RTL1: variants seen among roughly 807,000 people sequenced by gnomAD.
RTL1 encodes retrotransposon Gag like 1.
For missense variants in RTL1, 1,681 were observed against 1,767.5 expected (o/e 0.95, Z 0.88); for synonymous variants, 727 against 748.4 (o/e 0.97, Z 0.47).
chr14:100,881,875 A>C lies in RTL1; in HGVS notation c.2914T>G (p.Phe972Val). Residue 972 changes from phenylalanine (F) to valine (V), a missense_variant, in exon 4 of 4, where the codon TTC becomes GTC. Coordinates refer to ENST00000649591, the MANE Select transcript of RTL1 (RefSeq NM_001134888.3). The surrounding 1 kb of genome is among the most constrained non-coding windows in gnomAD (Gnocchi z 6.6). ...TCAAAGTTGAAGTGGGAGAAGAAGA[A>C]GACCCAATGCCCGGGGAGAAGTACG... ...LTVLLPGHWV[F>V]FFSHFNFDVM... 7 of 1,613,736 alleles carry C rather than the reference A, an allele frequency of 4.3e-6. No homozygotes were observed. Among genetic ancestry groups the C allele is most frequent in the East Asian group, 4.5e-5 (2 of 44,870 alleles).
intron 3 of RTL1, among the ~76,000 whole-genome samples, chr14:100,892,491 A>C (rs889277240): frequency 6.6e-6 from 1 of 152,202 alleles, no homozygotes; most frequent in Non-Finnish European, 1.5e-5. Context: ...GATTCTTACG[A>C]CTGTTACTTC....
chr14:100,884,357 C>A lies in RTL1; in HGVS notation c.432G>T (p.Ser144=). ...GCTCTTGAGGAGTCTCCTCCCTTCC[C>A]GATTCCTTCAGGTCAGTGTGAGCCT... is the stretch of plus-strand genomic sequence containing the variant. ...EQEAHTDLKE[S]GREETPQEQN... Residue 144 remains serine (S), a synonymous_variant, in exon 4 of 4, where the codon TCG becomes TCT. Coordinates refer to ENST00000649591, the MANE Select transcript of RTL1 (RefSeq NM_001134888.3). 6.4e-7 allele frequency: 1 copy of A among 1,559,418 alleles called. No individual in the cohort carries two copies. Among genetic ancestry groups the A allele is most frequent in the African/African-American group, 1.4e-5 (1 of 73,592 alleles).
intron 2 of RTL1, among the ~76,000 whole-genome samples, chr14:100,896,657 G>A (rs1195382284): frequency 6.6e-6 from 1 of 151,906 alleles, no homozygotes; most frequent in African/African-American, 2.4e-5. Flanking sequence ...GGGTGGGCTA[G>A]GGTGGGCAAA....
Position 100,880,489 on chromosome 14 carries a change from G to T in RTL1, c.*223C>A. 1 of 435,694 alleles carries T rather than the reference G, an allele frequency of 2.3e-6. No homozygotes were observed. Among genetic ancestry groups the T allele is most frequent in the Non-Finnish European group, 3.1e-6 (1 of 327,722 alleles). 27.0% of individuals were successfully genotyped at this position (435,694 alleles called of 1,614,324 possible). ...TGGAGAACGGAGAACTCGTAGCCCAGGGCTGGCGCTGGGTCTCTGAGGACT... is the reference window on the plus strand; with the variant it reads ...TGGAGAACGGAGAACTCGTAGCCCATGGCTGGCGCTGGGTCTCTGAGGACT... On this transcript the variant is annotated 3_prime_UTR_variant, in exon 4 of 4. Coordinates refer to ENST00000649591, the MANE Select transcript of RTL1 (RefSeq NM_001134888.3).
chr14:100,884,273 C>A lies in RTL1; in HGVS notation c.516G>T (p.Ser172=), dbSNP rs185297997. ...TGAGGTCTTGCATTCGGAAGTACAG[C>A]GAGATGATGGACCTCACCATGGCCA... ...ELMAMVRSII[S]LYFRMQDLKE... The change falls in exon 4 of 4, where the codon TCG becomes TCT. Residue 172 remains serine, a synonymous_variant. Transcript: ENST00000649591. 7.7e-6 allele frequency: 12 copies of A among 1,551,656 alleles called. No individual in the cohort carries two copies. Among genetic ancestry groups the A allele is most frequent in the African/African-American group, 1.4e-5 (1 of 73,040 alleles).
Position 100,880,736 on chromosome 14 carries a change from C to T in RTL1, c.4053G>A (p.Glu1351=), listed in dbSNP as rs542501044. ...EQARLEELPD[E]DEDANLD is the part of the protein sequence containing the mutation. ...TTCAGTCGAGGTTAGCATCTTCGTC[C>T]TCATCAGGCAGCTCTTCTAGCCTTG... The change falls in exon 4 of 4, where the codon GAG becomes GAA. Residue 1351 remains glutamate, a synonymous_variant. Transcript: ENST00000649591. 7.1e-6 allele frequency: 11 copies of T among 1,550,898 alleles called. No homozygotes were observed. In the East Asian group the frequency reaches 2.7e-4, roughly 38 times the overall value.
intron 2 of RTL1, among the ~76,000 whole-genome samples, chr14:100,899,278 C>T (rs74082833): frequency 1.2e-3 from 190 of 152,216 alleles, no homozygotes; most frequent in African/African-American, 4.3e-3. Context: ...GGATGAGGTT[C>T]GGGGTATGAT....
chr14:100,898,243 C>T (rs893128890), intron 2 of RTL1, among the ~76,000 whole-genome samples: 1 of 152,170 alleles, frequency 6.6e-6, no homozygotes, highest in Non-Finnish European at 1.5e-5. Flanking sequence ...AGTGAGGAAG[C>T]GTGTCACAAA....
chr14:100,883,367 G>A lies in RTL1; in HGVS notation c.1422C>T (p.Leu474=), dbSNP rs2038647513. ...GGATACACACCAGGGGCTCCGTGTA[G>A]AGCCAGACAGGCTCGTTGCCAATCA... is the stretch of plus-strand genomic sequence containing the variant. ...GSLIGNEPVW[L]YTEPLVCIHQ... Residue 474 remains leucine (L), a synonymous_variant, in exon 4 of 4, where the codon CTC becomes CTT. Transcript: ENST00000649591. This position sits in a 1 kb window ranked among gnomAD's most constrained non-coding sequence, Gnocchi z 5.9. 6 of 1,551,104 alleles carry A rather than the reference G, an allele frequency of 3.9e-6. No individual in the cohort carries two copies. Among genetic ancestry groups the A allele is most frequent in the Non-Finnish European group, 5.2e-6 (6 of 1,146,700 alleles).
At position 100,884,412 on chromosome 14, in the gene RTL1, A is replaced by G. The variant is rs1566754686; in HGVS notation, c.377T>C (p.Val126Ala). The G allele has an allele frequency of 6.2e-7, 1 of 1,610,640 alleles. No individual in the cohort carries two copies. The highest frequency in any genetic ancestry group is 8.5e-7 in the Non-Finnish European group (1 of 1,178,440). ...TTCTTCTCGGGCTCCCGATGGGTTG[A>G]CTGATGCTTCTTTCATCCTATCAGA... ...GASDRMKEAS[V>A]NPSGAREEQE... is the part of the protein sequence containing the mutation. The change falls in exon 4 of 4, where the codon GTC becomes GCC. Residue 126 changes from valine (V) to alanine (A), a missense_variant. Physicochemically the swap from Val to Ala is moderately conservative, Grantham distance 64. Transcript: ENST00000649591.
At chr14:100,889,842 G>T (rs1243994934) in intron 3 of RTL1, 3 of 152,154 alleles carry the variant, frequency 2.0e-5, no homozygotes, top group Non-Finnish European at 2.9e-5. Context: ...TTTGGGCGTT[G>T]TTGGGGCCTG....
Position 100,893,096 on chromosome 14 carries a change from C to T in RTL1, c.-87+348G>A, listed in dbSNP as rs1163393305. ...CCATCTTCATTCCATGGTGTTGATA[C>T]TGCCAGCCTCGTGGCCTGAGGGGCA... On this transcript the variant is annotated intron_variant, in intron 3 of 3. Transcript: ENST00000649591. This position sits in a 1 kb window ranked among gnomAD's most constrained non-coding sequence, Gnocchi z 4.2. 1.3e-5 allele frequency among the ~76,000 whole-genome samples: 2 copies of T among 152,126 alleles called. No individual in the cohort carries two copies. The highest frequency in any genetic ancestry group is 2.4e-5 in the African/African-American group (1 of 41,410).
chr14:100,890,338 G>A (rs1353980020), intron 3 of RTL1, among the ~76,000 whole-genome samples: 1 of 151,330 alleles, frequency 6.6e-6, no homozygotes, highest in African/African-American at 2.4e-5. Flanking sequence ...AAATCCCTCA[G>A]CAAATACCTC....
chr14:100,888,583 T>A (rs1388897762), intron 3 of RTL1, among the ~76,000 whole-genome samples: 1 of 152,210 alleles, frequency 6.6e-6, no homozygotes, highest in Non-Finnish European at 1.5e-5. Flanking sequence ...TTTTAAAATC[T>A]TACAGTGTCT....
Position 100,881,544 on chromosome 14 carries a change from C to T in RTL1, c.3245G>A (p.Gly1082Asp). 6.4e-7 allele frequency: 1 copy of T among 1,551,712 alleles called. No homozygotes were observed. The highest frequency in any genetic ancestry group is 1.2e-5 in the South Asian group (1 of 84,064). Residue 1082 changes from glycine to aspartate, a missense_variant, in exon 4 of 4, where the codon GGC becomes GAC. Physicochemically the swap from Gly to Asp is moderately conservative, Grantham distance 94. Transcript: ENST00000649591. This position sits in a 1 kb window ranked among gnomAD's most constrained non-coding sequence, Gnocchi z 6.6. ...IRAVILHFFR[G>D]LLYWKNTLAL... ...TAGGGTGTTCTTCCAGTACAGGAGG[C>T]CTCGGAAGAAGTGCAGAATGACGGC...
chr14:100,879,823 G>A lies in RTL1; in HGVS notation c.*889C>T, dbSNP rs553060456. On this transcript the variant is annotated 3_prime_UTR_variant, in exon 4 of 4. Coordinates refer to ENST00000649591, the MANE Select transcript of RTL1 (RefSeq NM_001134888.3). The stretch of plus-strand genomic sequence containing the variant: ...TGAGAAAGCTCGGGGGGTGGGGAAG[G>A]GTCTACTCCCCTTGCAAAGCGGTGG... Among the ~76,000 whole-genome samples, 35 of 151,956 alleles carry A rather than the reference G, an allele frequency of 2.3e-4. No homozygotes were observed. The highest frequency in any genetic ancestry group is 4.4e-4 in the Non-Finnish European group (30 of 67,978).
chr14:100,884,138 G>A lies in RTL1; in HGVS notation c.651C>T (p.Ile217=), dbSNP rs150695048. The A allele has an allele frequency of 3.4e-4, 533 of 1,551,730 alleles. 3 individuals are homozygous for A. In the African/African-American group the frequency reaches 6.4e-3, roughly 19 times the overall value. ...TCTGTAAGGTCAGTTGGCAGAGTAC[G>A]ATGAACTCGTGGAATTCTCTGCGAT... is the stretch of plus-strand genomic sequence containing the variant. ...SGDRREFHEF[I]VLCQLTLQSY... The change falls in exon 4 of 4, where the codon ATC becomes ATT. Residue 217 remains isoleucine, a synonymous_variant. Transcript: ENST00000649591.
chr14:100,884,660 T>TC lies in RTL1; in HGVS notation c.128dup (p.Glu44ArgfsTer29), dbSNP rs2038672293. 6.2e-7 allele frequency: 1 copy of TC among 1,613,540 alleles called. No homozygotes were observed. Among genetic ancestry groups the TC allele is most frequent in the Non-Finnish European group, 8.5e-7 (1 of 1,179,956 alleles). On this transcript the variant is annotated frameshift_variant, in exon 4 of 4. Transcript: ENST00000649591. LOFTEE classifies it low-confidence loss of function (END_TRUNC). Reference sequence around the variant, plus strand: ...CTGGGCCGCTGGCTGGCCCTGCCTCTCCCCGCACTCCACTGCCCGACGTCG... The same window carrying TC: ...CTGGGCCGCTGGCTGGCCCTGCCTCTCCCCCGCACTCCACTGCCCGACGTCG...
intron 2 of RTL1, chr14:100,895,103 C>T (rs74082830): frequency 1.3e-5 from 2 of 152,286 alleles, no homozygotes. Flanking sequence ...TGAGAGGAGT[C>T]AGGGTCGTAT....
Sources: allele counts gnomAD v4.1 joint callset (sites outside exome capture counted in the v4.1 genomes callset), GRCh38; gene constraint gnomAD v4.1.1; non-coding constraint Gnocchi (gnomAD v3.1); transcripts MANE v1.5; gene names NCBI Gene and HGNC (gene_info 2026-07-23, HGNC 2026-07-21).